The following PI4KA variants were observed in gnomAD, a reference collection of about 807,000 sequenced individuals.
The protein encoded by PI4KA is PI4-kinase alpha.
A neutral mutation model predicts 271.4 loss-of-function variants in PI4KA; 122 were observed. The observed-to-expected ratio is 0.45, with a 90% CI of 0.39 to 0.52. The LOEUF (loss-of-function observed/expected upper bound fraction) is 0.52, where lower values mean the gene tolerates loss of function less well. PI4KA is among the 20% of genes least tolerant of loss of function. The pLI is 0.00. For missense variants in PI4KA, 1,969 were observed against 2,769.1 expected (o/e 0.71, Z 6.48); for synonymous variants, 1,041 against 1,078.8 (o/e 0.96, Z 0.69).
chr22:20,772,157 T>C (rs1413841129), intron 19 of PI4KA, among the ~76,000 whole-genome samples: 1 of 152,228 alleles, frequency 6.6e-6, no homozygotes, highest in African/African-American at 2.4e-5. Flanking sequence ...CCTCATGCAG[T>C]AGGTGTAACT....
At chr22:20,776,819 C>T (rs1397935624) in intron 19 of PI4KA, among the ~76,000 whole-genome samples, 2 of 152,158 alleles carry the variant, frequency 1.3e-5, no homozygotes, top group Non-Finnish European at 2.9e-5. Context: ...AGGCATCCAA[C>T]AGAGGCCATT....
chr22:20,746,588 CACTT>C (rs539732091), intron 29 of PI4KA, among the ~76,000 whole-genome samples: 10 of 152,222 alleles, frequency 6.6e-5, no homozygotes, highest in Non-Finnish European at 1.3e-4. Flanking sequence ...CTATCATAAA[CACTT>C]ACAGTCTATG....
At chr22:20,715,958 T>C (rs1170310710) in intron 45 of PI4KA, among the ~76,000 whole-genome samples, 7 of 152,206 alleles carry the variant, frequency 4.6e-5, no homozygotes, top group Non-Finnish European at 7.3e-5. Flanking sequence ...TGGTGCAATC[T>C]CGGCTCACTG....
chr22:20,776,614 G>T (rs1933304802), intron 19 of PI4KA, among the ~76,000 whole-genome samples: 1 of 152,174 alleles, frequency 6.6e-6, no homozygotes, highest in African/African-American at 2.4e-5. Flanking sequence ...GCACGGCCAG[G>T]GAGTCTGGAA....
At position 20,752,932 on chromosome 22, in the gene PI4KA, T is replaced by G; in HGVS notation, c.2958A>C (p.Ala986=). The change falls in exon 25 of 55, where the codon GCA becomes GCC. Residue 986 remains alanine (A), a synonymous_variant. Transcript: ENST00000255882. ...NHIHKRIRRV[A]DKYLSGLVDK... ...CCACCAGACCAGATAGATACTTGTC[T>G]GCCACCCTCCTTATCCTCTTGTGGA... The G allele has an allele frequency of 1.9e-6, 3 of 1,614,242 alleles. No homozygotes were observed. Among genetic ancestry groups the G allele is most frequent in the South Asian group, 1.1e-5 (1 of 91,088 alleles).
At chr22:20,774,125 C>CCACTTCTCAGAAACACAGAGGT (rs1269824022) in intron 19 of PI4KA, 1 of 152,180 alleles carries the variant, frequency 6.6e-6, no homozygotes, top group Non-Finnish European at 1.5e-5. Flanking sequence ...CTCTGAAGCG[C>CCACTTCTCAGAAACACAGAGGT]CACTTCTCAG....
intron 1 of PI4KA, among the ~76,000 whole-genome samples, chr22:20,841,955 C>A (rs529754792): frequency 1.1e-4 from 16 of 152,066 alleles, no homozygotes; most frequent in Non-Finnish European, 2.4e-4. Context: ...GTGGCTCATA[C>A]CTGTAATTCC....
chr22:20,818,220 T>A (rs1414536091), intron 7 of PI4KA, among the ~76,000 whole-genome samples: 1 of 152,150 alleles, frequency 6.6e-6, no homozygotes, highest in Non-Finnish European at 1.5e-5. Flanking sequence ...TATATAGGGG[T>A]CTGTAAGTTA....
chr22:20,821,885 G>T (rs987763793), intron 4 of PI4KA, among the ~76,000 whole-genome samples: 8 of 152,170 alleles, frequency 5.3e-5, no homozygotes, highest in Admixed American at 4.6e-4. Context: ...ATGAGCCACT[G>T]TGCCCAGCCA....
chr22:20,715,625 C>A (rs1925889977), intron 45 of PI4KA, among the ~76,000 whole-genome samples: 1 of 150,714 alleles, frequency 6.6e-6, no homozygotes, highest in Non-Finnish European at 1.5e-5. Flanking sequence ...CAGGCGCCTG[C>A]CACCGCGCCT....
At chr22:20,804,915 C>G (rs1935549145) in intron 11 of PI4KA, 59 bp downstream of exon 11, 3 of 1,402,898 alleles carry the variant, frequency 2.1e-6, no homozygotes, top group Admixed American at 4.1e-5. Context: ...AAACTTGTGG[C>G]AAGAAAGCCT....
intron 23 of PI4KA, among the ~76,000 whole-genome samples, chr22:20,755,281 G>T (rs1433459707): frequency 6.6e-6 from 1 of 152,186 alleles, no homozygotes; most frequent in Non-Finnish European, 1.5e-5. Flanking sequence ...GTTGGCTCCT[G>T]TGTCATTCGG....
At chr22:20,803,778 A>G (rs1022781044) in intron 12 of PI4KA, among the ~76,000 whole-genome samples, 2 of 152,198 alleles carry the variant, frequency 1.3e-5, no homozygotes, top group East Asian at 1.9e-4. Flanking sequence ...TCTGCCTCCC[A>G]AAGTATCGGG....
At chr22:20,708,544 G>A (rs1472995797) in intron 54 of PI4KA, among the ~76,000 whole-genome samples, 13 of 143,414 alleles carry the variant, frequency 9.1e-5, no homozygotes, top group Admixed American at 1.4e-4. Context: ...TGCCGGACCC[G>A]GGCGCCACCT....
chr22:20,765,260 AGGAAATCACCTTGGTC>A (rs759780412), intron 20 of PI4KA, 24 bp from the exon 21 acceptor site: 5 of 1,583,482 alleles, frequency 3.2e-6, no homozygotes, highest in Non-Finnish European at 4.3e-6. Context: ...AACATAAATG[AGGAAATCACCTTGGTC>A]GGAAAGCACT....
At position 20,833,657 on chromosome 22, in the gene PI4KA, G is replaced by GTTTTTTTTTT. The variant is rs361962; in HGVS notation, c.367+895_367+904dup. Among the ~76,000 whole-genome samples the GTTTTTTTTTT allele has an allele frequency of 5.9e-4, 43 of 72,972 alleles. 2 individuals are homozygous for GTTTTTTTTTT. The highest frequency in any genetic ancestry group is 8.1e-3 in the Middle Eastern group (1 of 124). The allele number at this position is 72,972 out of a possible 152,430, so 47.9% of individuals were successfully genotyped here. ...CCCAGACTAGTTTTGGTTTGTTTTT[G>GTTTTTTTTTT]TTTTTTTTTTTTTTTTTTTTTGAGA... is the stretch of plus-strand genomic sequence containing the variant. On this transcript the variant is annotated intron_variant, in intron 3 of 54. Coordinates refer to ENST00000255882, the MANE Select transcript of PI4KA (RefSeq NM_058004.4).
At chr22:20,800,615 C>A (rs1935239051) in intron 14 of PI4KA, among the ~76,000 whole-genome samples, 1 of 151,238 alleles carries the variant, frequency 6.6e-6, no homozygotes, top group South Asian at 2.1e-4. Flanking sequence ...GTAATCCCAG[C>A]ACTTTGGGAG....
intron 3 of PI4KA, among the ~76,000 whole-genome samples, chr22:20,825,944 G>A (rs959622365): frequency 2.6e-5 from 4 of 152,054 alleles, no homozygotes; most frequent in Non-Finnish European, 5.9e-5. Flanking sequence ...ATATGTACTC[G>A]AAGTTTAGCT....
chr22:20,759,714 G>T (rs777100081), intron 23 of PI4KA, among the ~76,000 whole-genome samples: 1 of 151,726 alleles, frequency 6.6e-6, no homozygotes, highest in Non-Finnish European at 1.5e-5. Flanking sequence ...TACAGGCGCA[G>T]GCCACCACGC....
Sources: allele counts gnomAD v4.1 joint callset (sites outside exome capture counted in the v4.1 genomes callset), GRCh38; gene constraint gnomAD v4.1.1; transcripts MANE v1.5; gene names NCBI Gene and HGNC (gene_info 2026-07-23, HGNC 2026-07-21).